Variants in RAD51B observed in about 807,000 individuals in gnomAD.
The protein encoded by RAD51B is DNA repair protein RAD51 homolog 2.
Under a neutral mutation model 42.2 loss-of-function variants are expected in RAD51B, and 38 were observed. That is an observed-to-expected ratio of 0.90 (90% CI 0.70 to 1.18). RAD51B has a LOEUF of 1.18. Among genes scored for constraint, RAD51B ranks in the 50% most tolerant of loss-of-function variants. The pLI, the probability that RAD51B is intolerant of heterozygous loss-of-function variation, is 0.00. For synonymous variants in RAD51B, 154 were observed against 145.2 expected, an observed-to-expected ratio of 1.06 and a Z score of -0.43; for missense variants, 373 against 400.7, an observed-to-expected ratio of 0.93 and a Z score of 0.59.
chr14:67,976,765 A>T (rs2140262779), intron 7 of RAD51B, among the ~76,000 whole-genome samples: 1 of 152,342 alleles, frequency 6.6e-6, no homozygotes, highest in South Asian at 2.1e-4. Flanking sequence ...AACTACCATC[A>T]GAGTGAACAG....
In RAD51B at chr14:68,432,844, C is replaced by T. The variant is rs146627653; in HGVS notation, c.957+21317C>T. Among the ~76,000 whole-genome samples the T allele has an allele frequency of 2.0e-3, 311 of 152,280 alleles. 1 individual carries two copies. Among genetic ancestry groups the T allele is most frequent in the African/African-American group, 7.0e-3 (290 of 41,538 alleles). ...AGTTGATGCAGTTTCTTCCTGGCATCGATGGTCTTTACAATTTGGCGTGCT... is the reference window on the plus strand; with the variant it reads ...AGTTGATGCAGTTTCTTCCTGGCATTGATGGTCTTTACAATTTGGCGTGCT... On this transcript the variant is annotated intron_variant, in intron 9 of 10. Coordinates refer to ENST00000471583, the MANE Select transcript of RAD51B (RefSeq NM_133510.4).
intron 8 of RAD51B, among the ~76,000 whole-genome samples, chr14:68,300,057 G>A (rs2081694911): frequency 6.6e-6 from 1 of 152,078 alleles, no homozygotes; most frequent in African/African-American, 2.4e-5. Context: ...TTTCTTATAA[G>A]GGGCTATATA....
intron 4 of RAD51B, among the ~76,000 whole-genome samples, chr14:67,847,650 T>A (rs1016606911): frequency 6.6e-6 from 1 of 152,198 alleles, no homozygotes; most frequent in Admixed American, 6.5e-5. Context: ...GTGTGCTTGA[T>A]GTGATTTCGA....
intron 7 of RAD51B, among the ~76,000 whole-genome samples, chr14:68,051,872 A>ATG (rs1491480287): frequency 1.2e-4 from 16 of 137,694 alleles, no homozygotes; most frequent in African/African-American, 3.7e-4. Context: ...ATCCTCCCAC[A>ATG]TATGTGTGTG....
chr14:68,246,861 C>T lies in RAD51B; in HGVS notation c.757-45023C>T, dbSNP rs138109385. Among the ~76,000 whole-genome samples the T allele has an allele frequency of 2.6e-3, 398 of 152,284 alleles. 3 individuals carry two copies. The highest frequency in any genetic ancestry group is 6.8e-3 in the Middle Eastern group (2 of 294). On this transcript the variant is annotated intron_variant, in intron 7 of 10. Coordinates refer to ENST00000471583, the MANE Select transcript of RAD51B (RefSeq NM_133510.4). ...AAGGCCAGGTAGGTGGCTGGGTACG[C>T]ACTTTCTTGTAGCCTGTTTGTTTTA...
At chr14:68,213,668 A>G (rs1448521256) in intron 7 of RAD51B, among the ~76,000 whole-genome samples, 1 of 152,198 alleles carries the variant, frequency 6.6e-6, no homozygotes, top group Admixed American at 6.5e-5. Flanking sequence ...AGAATATAGC[A>G]TCATGGATCA....
intron 8 of RAD51B, among the ~76,000 whole-genome samples, chr14:68,342,243 A>G (rs1181811116): frequency 6.6e-6 from 1 of 152,206 alleles, no homozygotes; most frequent in African/African-American, 2.4e-5. Context: ...ATGCTTACTG[A>G]GTGGAATTAA....
At chr14:68,599,578 G>A (rs541991947), downstream of RAD51B, among the ~76,000 whole-genome samples, 3 of 152,160 alleles carry the variant, frequency 2.0e-5, no homozygotes, top group Non-Finnish European at 2.9e-5. Flanking sequence ...TTCTTCTCAC[G>A]ACCTCCCATC....
chr14:67,883,328 C>CAA (rs77921123), intron 5 of RAD51B, among the ~76,000 whole-genome samples: 39 of 119,846 alleles, frequency 3.3e-4, no homozygotes, highest in East Asian at 2.9e-3. Context: ...ACCACTTTAG[C>CAA]AAAAAAAAAA....
intron 7 of RAD51B, among the ~76,000 whole-genome samples, chr14:68,174,789 T>C (rs926263421): frequency 1.3e-5 from 2 of 152,186 alleles, no homozygotes; most frequent in African/African-American, 2.4e-5. Context: ...CTATTTAAAC[T>C]TGGAATTAAT....
intron 8 of RAD51B, among the ~76,000 whole-genome samples, chr14:68,357,375 A>G (rs940422917): frequency 4.6e-5 from 7 of 152,224 alleles, no homozygotes; most frequent in Admixed American, 1.3e-4. Context: ...AACTTCTTCC[A>G]ATGAAGTCTT....
intron 7 of RAD51B, among the ~76,000 whole-genome samples, chr14:68,028,803 C>T (rs2075994863): frequency 6.6e-6 from 1 of 152,192 alleles, no homozygotes; most frequent in South Asian, 2.1e-4. Context: ...CCTACTTTCT[C>T]CTGCCTCAGC....
At chr14:67,891,333 C>T (rs952640791) in intron 7 of RAD51B, among the ~76,000 whole-genome samples, 14 of 152,054 alleles carry the variant, frequency 9.2e-5, no homozygotes, top group African/African-American at 2.2e-4. Context: ...GCTTATAATC[C>T]GTTTTTCTGT....
At chr14:68,064,906 T>G (rs1394710616) in intron 7 of RAD51B, among the ~76,000 whole-genome samples, 1 of 152,222 alleles carries the variant, frequency 6.6e-6, no homozygotes, top group Non-Finnish European at 1.5e-5. Context: ...CTATTTGTAT[T>G]ATTTTGTATC....
At chr14:68,228,865 T>TAGGA (rs1240476071) in intron 7 of RAD51B, among the ~76,000 whole-genome samples, 1 of 152,182 alleles carries the variant, frequency 6.6e-6, no homozygotes, top group Non-Finnish European at 1.5e-5. Context: ...ATTGCTAAGG[T>TAGGA]TCCTTCCAGG....
At chr14:68,553,560 A>G (rs1256893181) in intron 10 of RAD51B, among the ~76,000 whole-genome samples, 1 of 152,174 alleles carries the variant, frequency 6.6e-6, no homozygotes, top group African/African-American at 2.4e-5. Context: ...TGGAGCTCCC[A>G]GTGCAGGAAG....
intron 9 of RAD51B, among the ~76,000 whole-genome samples, chr14:68,412,978 C>G (rs753969396): frequency 2.0e-5 from 3 of 152,140 alleles, no homozygotes; most frequent in Non-Finnish European, 4.4e-5. Context: ...TGATCCCACT[C>G]CTTGAAAACT....
At chr14:67,946,561 T>C (rs2045400824) in intron 7 of RAD51B, among the ~76,000 whole-genome samples, 1 of 152,220 alleles carries the variant, frequency 6.6e-6, no homozygotes, top group South Asian at 2.1e-4. Context: ...AGAGACATGG[T>C]TTCACCATCT....
intron 10 of RAD51B, among the ~76,000 whole-genome samples, chr14:68,646,857 T>C (rs1892573663): frequency 6.6e-6 from 1 of 152,210 alleles, no homozygotes; most frequent in African/African-American, 2.4e-5. Flanking sequence ...TGATGATACT[T>C]TAGCCTTATA....
Sources: allele counts gnomAD v4.1 joint callset (sites outside exome capture counted in the v4.1 genomes callset), GRCh38; gene constraint gnomAD v4.1.1; transcripts MANE v1.5; gene names NCBI Gene and HGNC (gene_info 2026-07-23, HGNC 2026-07-21).